Variants in CADPS2 observed in about 807,000 individuals in gnomAD.
CADPS2 encodes the protein calcium-dependent secretion activator 2.
A neutral mutation model predicts 172.5 loss-of-function variants in CADPS2; 93 were observed. That is an observed-to-expected ratio of 0.54 (90% CI 0.46 to 0.64). The LOEUF is 0.64. Among genes scored for constraint, CADPS2 ranks in the 30% least tolerant of loss-of-function variants. CADPS2 has a pLI of 0.00. For synonymous variants in CADPS2, 546 were observed against 555.2 expected, an observed-to-expected ratio of 0.98 and a Z score of 0.23; for missense variants, 1,420 against 1,565.9, an observed-to-expected ratio of 0.91 and a Z score of 1.57.
chr7:122,320,457 T>C, intron 29 of CADPS2, 119 bp from the exon 30 acceptor site: 1 of 653,350 alleles, frequency 1.5e-6, no homozygotes, highest in Non-Finnish European at 2.4e-6. Context: ...TTCATGTGGC[T>C]GTCCATGCCA....
chr7:122,380,513 A>G lies in CADPS2; in HGVS notation c.3313-1071T>C, dbSNP rs574044996. The stretch of plus-strand genomic sequence containing the variant: ...ACATGTCTCAAAGTTTCCACACAGT[A>G]CAAAACATCAACTTAGGTCTGCTTT... On this transcript the variant is annotated intron_variant, in intron 24 of 29. Coordinates refer to ENST00000449022, the MANE Select transcript of CADPS2 (RefSeq NM_017954.11). Among the ~76,000 whole-genome samples the G allele has an allele frequency of 3.9e-5, 6 of 151,976 alleles. No homozygotes were observed. The South Asian group carries it at 1.2e-3, about 32-fold the overall frequency.
chr7:122,789,672 G>A (rs1488152207), intron 1 of CADPS2, among the ~76,000 whole-genome samples: 1 of 152,126 alleles, frequency 6.6e-6, no homozygotes, highest in African/African-American at 2.4e-5. Context: ...TTTAACAAAT[G>A]CTTTCAAAAG....
intron 1 of CADPS2, among the ~76,000 whole-genome samples, chr7:122,876,735 T>C (rs1009278216): frequency 1.3e-5 from 2 of 152,118 alleles, no homozygotes; most frequent in Admixed American, 1.3e-4. Flanking sequence ...ACATAAAGGA[T>C]ATTGGAAAAA....
chr7:122,519,867 T>TG (rs2060647866), intron 8 of CADPS2, among the ~76,000 whole-genome samples: 1 of 151,964 alleles, frequency 6.6e-6, no homozygotes, highest in African/African-American at 2.4e-5. Flanking sequence ...TAATTGATTT[T>TG]TTTTTAAAGG....
chr7:122,409,579 C>T lies in CADPS2; in HGVS notation c.2590-1883G>A, dbSNP rs768086344. 8.2e-5 allele frequency: 38 copies of T among 464,526 alleles called. No individual in the cohort carries two copies. In the Admixed American group the frequency reaches 9.0e-4, roughly 11 times the overall value. The allele number at this position is 464,526 out of a possible 1,614,324, so 28.8% of individuals were successfully genotyped here. On this transcript the variant is annotated intron_variant, in intron 19 of 29. Transcript: ENST00000449022. ...ATCTCAAGTTGTACTCCTGATGATG[C>T]TATTCTTAATGAATGTAAGCCAATC...
intron 3 of CADPS2, among the ~76,000 whole-genome samples, chr7:122,656,417 C>T (rs1040576573): frequency 3.3e-5 from 5 of 151,972 alleles, no homozygotes; most frequent in Admixed American, 1.3e-4. Flanking sequence ...GACTCACGTA[C>T]TGAAAAGCAA....
At chr7:122,723,257 G>C (rs2090682027) in intron 2 of CADPS2, among the ~76,000 whole-genome samples, 1 of 151,880 alleles carries the variant, frequency 6.6e-6, no homozygotes, top group African/African-American at 2.4e-5. Context: ...TACAGAATGG[G>C]AGAACATTTT....
chr7:122,448,409 A>G (rs1167878724), intron 15 of CADPS2, among the ~76,000 whole-genome samples: 1 of 152,232 alleles, frequency 6.6e-6, no homozygotes, highest in Non-Finnish European at 1.5e-5. Flanking sequence ...ATTCAAGGTA[A>G]GATTTGGGTG....
intron 1 of CADPS2, among the ~76,000 whole-genome samples, chr7:122,831,776 G>A (rs1462522820): frequency 6.6e-6 from 1 of 152,176 alleles, no homozygotes; most frequent in Non-Finnish European, 1.5e-5. Context: ...CATACACTGA[G>A]ATGGCTACTG....
At chr7:122,613,210 A>G (rs1455926376) in intron 6 of CADPS2, among the ~76,000 whole-genome samples, 1 of 152,158 alleles carries the variant, frequency 6.6e-6, no homozygotes, top group East Asian at 1.9e-4. Flanking sequence ...TTTGTGTTTC[A>G]AAATACAAAT....
At chr7:122,571,028 T>TATA (rs987966148) in intron 7 of CADPS2, among the ~76,000 whole-genome samples, 5 of 151,866 alleles carry the variant, frequency 3.3e-5, no homozygotes, top group African/African-American at 1.2e-4. Context: ...AAACTTAAAG[T>TATA]ATAATAATAA....
intron 1 of CADPS2, chr7:122,849,989 C>T: frequency 4.2e-6 from 3 of 718,536 alleles, no homozygotes; most frequent in South Asian, 2.1e-5. Flanking sequence ...CCCACCTGCC[C>T]CCAAGCCTGC....
intron 19 of CADPS2, among the ~76,000 whole-genome samples, chr7:122,413,685 A>G (rs1355624372): frequency 6.6e-6 from 1 of 152,222 alleles, no homozygotes; most frequent in Non-Finnish European, 1.5e-5. Flanking sequence ...TGCAGAATGC[A>G]GTCCACCAAT....
chr7:122,752,350 C>A (rs1431165810), intron 1 of CADPS2, among the ~76,000 whole-genome samples: 1 of 152,108 alleles, frequency 6.6e-6, no homozygotes, highest in African/African-American at 2.4e-5. Context: ...CATTCTCATA[C>A]TTTCTGGAAG....
At chr7:122,601,790 C>T (rs1203794387) in intron 6 of CADPS2, among the ~76,000 whole-genome samples, 2 of 151,934 alleles carry the variant, frequency 1.3e-5, no homozygotes, top group Non-Finnish European at 2.9e-5. Flanking sequence ...CGCAGAGTTC[C>T]TATACTTAGA....
intron 14 of CADPS2, among the ~76,000 whole-genome samples, chr7:122,459,945 C>G (rs1252635759): frequency 6.6e-6 from 1 of 152,054 alleles, no homozygotes; most frequent in Non-Finnish European, 1.5e-5. Flanking sequence ...AACATCTGAT[C>G]TAGTTTGGAG....
intron 17 of CADPS2, chr7:122,421,225 C>A (rs556033329): frequency 6.6e-6 from 1 of 152,136 alleles, no homozygotes. Context: ...TTGCTAATAA[C>A]CCTACATGAT....
chr7:122,491,006 T>C (rs1253464582), intron 10 of CADPS2, among the ~76,000 whole-genome samples: 4 of 152,186 alleles, frequency 2.6e-5, no homozygotes, highest in East Asian at 1.9e-4. Context: ...ATTTCTGCTA[T>C]AACTTTTGCT....
At chr7:122,540,702 T>A (rs1376695610) in intron 8 of CADPS2, among the ~76,000 whole-genome samples, 1 of 152,158 alleles carries the variant, frequency 6.6e-6, no homozygotes, top group East Asian at 1.9e-4. Flanking sequence ...AAGACAAGAT[T>A]GTAGTTATAA....
Sources: gnomAD v4.1 joint callset for allele counts (sites outside exome capture counted in the v4.1 genomes callset) on GRCh38, gnomAD v4.1.1 for gene constraint, MANE v1.5 for transcripts, NCBI Gene and HGNC (gene_info 2026-07-23, HGNC 2026-07-21) for gene names.